IP6K2: variants seen among roughly 807,000 people sequenced by gnomAD.
The protein encoded by IP6K2 is inositol hexakisphosphate kinase 2.
A neutral mutation model predicts 43.3 loss-of-function variants in IP6K2; 9 were observed. That is an observed-to-expected ratio of 0.21 (90% CI 0.13 to 0.36). IP6K2 has a LOEUF of 0.36. Ranked by LOEUF, IP6K2 falls within the 10% of genes least tolerant of loss-of-function variation. The probability of loss-of-function intolerance (pLI) is 1.00; values close to 1 mark genes in which losing one functional copy is unlikely to be tolerated. For synonymous variants in IP6K2, 209 were observed against 202.4 expected, an observed-to-expected ratio of 1.03 and a Z score of -0.28; for missense variants, 332 against 538.4, an observed-to-expected ratio of 0.62 and a Z score of 3.79.
chr3:48,707,410 G>C (rs2079925899), intron 1 of IP6K2, among the ~76,000 whole-genome samples: 1 of 152,134 alleles, frequency 6.6e-6, no homozygotes. Flanking sequence ...TAGAAGGTCA[G>C]AGCCCTCAAT....
Position 48,688,343 on chromosome 3 carries a change from G to C in IP6K2, c.1211C>G (p.Ala404Gly). 1 of 1,614,234 alleles carries C rather than the reference G, an allele frequency of 6.2e-7. No individual in the cohort carries two copies. Among genetic ancestry groups the C allele is most frequent in the African/African-American group, 1.3e-5 (1 of 75,068 alleles). The change falls in exon 6 of 6, where the codon GCT becomes GGT. Residue 404 changes from alanine to glycine, a missense_variant. Coordinates refer to ENST00000328631, the MANE Select transcript of IP6K2 (RefSeq NM_016291.4). The surrounding 1 kb of genome is among the most constrained non-coding windows in gnomAD (Gnocchi z 5.1). ...GCTCTGGAGCCCGAAGATATAGCCA[G>C]CATCCTGGCCCTCATGCACCACGGT... Reference protein sequence around the residue: ...EDTVVHEGQDAGYIFGLQSLI... With the variant: ...EDTVVHEGQDGGYIFGLQSLI...
chr3:48,707,596 G>A (rs778649345), intron 1 of IP6K2, among the ~76,000 whole-genome samples: 1 of 152,034 alleles, frequency 6.6e-6, no homozygotes, highest in African/African-American at 2.4e-5. Context: ...CACCACGCCC[G>A]GCTAATTTTT....
intron 1 of IP6K2, among the ~76,000 whole-genome samples, chr3:48,705,909 T>TAAA (rs11464060): frequency 1.4e-5 from 2 of 146,244 alleles, no homozygotes; most frequent in African/African-American, 5.0e-5. Context: ...TAAAATAAAA[T>TAAA]AAAAAAAAAC....
rs1177839005 is a variant in IP6K2 at position 48,693,124 on chromosome 3, T to C, written c.258A>G (p.Ala86=). ...TTCCATGGTCCCCTTTCAATGGATA[T>C]GCTATTAGACACAAGTTCCTGTCTT... The part of the protein sequence containing the change: ...EDEDRNLCLI[A]YPLKGDHGIV... Residue 86 remains alanine, a synonymous_variant, in exon 3 of 6, where the codon GCA becomes GCG. Coordinates refer to ENST00000328631, the MANE Select transcript of IP6K2 (RefSeq NM_016291.4). 1 of 1,614,278 alleles carries C rather than the reference T, an allele frequency of 6.2e-7. No individual in the cohort carries two copies. The highest frequency in any genetic ancestry group is 8.5e-7 in the Non-Finnish European group (1 of 1,180,056).
intron 1 of IP6K2, among the ~76,000 whole-genome samples, chr3:48,714,987 T>C (rs1346841710): frequency 2.0e-5 from 3 of 151,994 alleles, no homozygotes; most frequent in Non-Finnish European, 2.9e-5. Context: ...TCTCGGCAAA[T>C]TGACTTCTCC....
intron 2 of IP6K2, chr3:48,694,278 C>T (rs1473492985): frequency 7.7e-6 from 12 of 1,551,416 alleles, no homozygotes; most frequent in Non-Finnish European, 1.0e-5. Context: ...AGTGAGGGCC[C>T]CCAACTCCCC....
intron 1 of IP6K2, among the ~76,000 whole-genome samples, chr3:48,702,751 T>C (rs1293185438): frequency 6.6e-6 from 1 of 152,216 alleles, no homozygotes; most frequent in African/African-American, 2.4e-5. Context: ...TCTTGTTAAT[T>C]GTCTCCTCCC....
chr3:48,698,558 C>T (rs1481929942), intron 1 of IP6K2, among the ~76,000 whole-genome samples: 3 of 152,184 alleles, frequency 2.0e-5, no homozygotes, highest in Non-Finnish European at 4.4e-5. Flanking sequence ...CAACCTCTGC[C>T]GCTCAGGTTC....
intron 1 of IP6K2, among the ~76,000 whole-genome samples, chr3:48,702,164 G>A (rs1414184625): frequency 6.6e-6 from 1 of 151,948 alleles, no homozygotes; most frequent in Non-Finnish European, 1.5e-5. Flanking sequence ...CCAGGAGGCA[G>A]AGGTTGCAGT....
At chr3:48,698,033 C>T (rs950564426) in intron 1 of IP6K2, among the ~76,000 whole-genome samples, 2 of 152,082 alleles carry the variant, frequency 1.3e-5, no homozygotes, top group Admixed American at 6.5e-5. Flanking sequence ...TTCTCATCAC[C>T]ACAAAAGCCT....
At position 48,688,013 on chromosome 3, in the gene IP6K2, A is replaced by C. The variant is rs1325104461; in HGVS notation, c.*260T>G. The C allele has an allele frequency of 4.0e-6, 2 of 498,084 alleles. No homozygotes were observed. The highest frequency in any genetic ancestry group is 7.2e-6 in the Non-Finnish European group (2 of 276,970). The allele number at this position is 498,084 out of a possible 1,614,324, so 30.9% of individuals were successfully genotyped here. On this transcript the variant is annotated 3_prime_UTR_variant, in exon 6 of 6. Coordinates refer to ENST00000328631, the MANE Select transcript of IP6K2 (RefSeq NM_016291.4). The surrounding 1 kb of genome is among the most constrained non-coding windows in gnomAD (Gnocchi z 5.1). ...GACAGGAGCACTATATACAATAAAC[A>C]AAAAGATTTGTATTAGAACATATAC...
rs1231745131 is a variant in IP6K2 at position 48,688,219 on chromosome 3, A to AC, written c.*53dup. The AC allele has an allele frequency of 5.1e-6, 8 of 1,581,216 alleles. No individual in the cohort carries two copies. The highest frequency in any genetic ancestry group is 1.3e-5 in the African/African-American group (1 of 74,522). ...ATACTGGCTTCCTCCCTGACGCAGC[A>AC]CAGCTGTGCCTGGGACACAGAGTCG... On this transcript the variant is annotated 3_prime_UTR_variant, in exon 6 of 6. Transcript: ENST00000328631. This position sits in a 1 kb window ranked among gnomAD's most constrained non-coding sequence, Gnocchi z 5.1.
At chr3:48,693,984 GCCT>G in intron 2 of IP6K2, 2 of 1,373,214 alleles carry the variant, frequency 1.5e-6, no homozygotes, top group South Asian at 1.8e-5. Flanking sequence ...GCCGACGAGC[GCCT>G]TACAAACGAC....
chr3:48,689,934 C>G (rs565241528), intron 4 of IP6K2, among the ~76,000 whole-genome samples: 39 of 152,266 alleles, frequency 2.6e-4, no homozygotes, highest in African/African-American at 9.1e-4. Context: ...AGCCTGCACC[C>G]GGACTCAACA....
chr3:48,705,449 C>T (rs1187739852), intron 1 of IP6K2, among the ~76,000 whole-genome samples: 3 of 151,852 alleles, frequency 2.0e-5, no homozygotes, highest in Non-Finnish European at 2.9e-5. Flanking sequence ...GAGGCCGAGG[C>T]GGGCGGATCA....
intron 1 of IP6K2, among the ~76,000 whole-genome samples, chr3:48,715,031 G>A (rs1391246140): frequency 1.3e-5 from 2 of 152,062 alleles, no homozygotes; most frequent in Non-Finnish European, 2.9e-5. Context: ...TCAATTTTTG[G>A]AGAGAAGGAC....
chr3:48,690,253 C>G (rs2106782052), intron 4 of IP6K2, among the ~76,000 whole-genome samples: 1 of 152,328 alleles, frequency 6.6e-6, no homozygotes. Flanking sequence ...TCAGTGCTCC[C>G]AACAGCAGAA....
intron 1 of IP6K2, among the ~76,000 whole-genome samples, chr3:48,712,573 G>A (rs1251423059): frequency 2.6e-5 from 4 of 151,852 alleles, no homozygotes; most frequent in African/African-American, 9.7e-5. Flanking sequence ...AATGAGCTGC[G>A]CCCAGTGACA....
At chr3:48,691,915 A>G (rs2077831257) in intron 3 of IP6K2, among the ~76,000 whole-genome samples, 2 of 152,068 alleles carry the variant, frequency 1.3e-5, no homozygotes, top group Non-Finnish European at 2.9e-5. Context: ...GTGCGATCTC[A>G]GCTCACTGCA....
Sources: gnomAD v4.1 joint callset for allele counts (sites outside exome capture counted in the v4.1 genomes callset) on GRCh38, gnomAD v4.1.1 for gene constraint, Gnocchi (gnomAD v3.1) non-coding constraint, MANE v1.5 for transcripts, NCBI Gene and HGNC (gene_info 2026-07-23, HGNC 2026-07-21) for gene names.